Variants in DOCK5 observed in about 807,000 individuals in gnomAD.
The protein encoded by DOCK5 is dedicator of cytokinesis protein 5.
DOCK5 carries 142 observed loss-of-function variants against 251.8 expected under a neutral mutation model. That is an observed-to-expected ratio of 0.56 (90% CI 0.49 to 0.65). DOCK5 has a LOEUF of 0.65. DOCK5 is among the 30% of genes least tolerant of loss of function. The pLI is 0.00. For missense variants in DOCK5, 2,111 were observed against 2,312.3 expected (o/e 0.91, Z 1.79); for synonymous variants, 842 against 835.5 (o/e 1.01, Z -0.13).
intron 5 of DOCK5, among the ~76,000 whole-genome samples, chr8:25,282,798 C>T (rs912471832): frequency 7.7e-6 from 1 of 129,672 alleles, no homozygotes; most frequent in Non-Finnish European, 1.5e-5. Context: ...TGCAGTGAGC[C>T]ATGATTATAC....
chr8:25,254,786 A>AAAAAAAAAAAG lies in DOCK5; in HGVS notation c.127+11030_127+11031insAAAAAAAAAGA, dbSNP rs1803371219. ...AAGACTTTGTCTCAAAAAAAAACAA[A>AAAAAAAAAAAG]ACAAAACAAAAAAAAAAAACATTTG... On this transcript the variant is annotated intron_variant, in intron 2 of 51. Transcript: ENST00000276440. Among the ~76,000 whole-genome samples, 2 of 129,396 alleles carry AAAAAAAAAAAG rather than the reference A, an allele frequency of 1.5e-5. 1 individual carries two copies. The highest frequency in any genetic ancestry group is 3.1e-5 in the Non-Finnish European group (2 of 64,244). 84.9% of individuals were successfully genotyped at this position (129,396 alleles called of 152,430 possible). A position where few individuals can be genotyped will look rare whatever the true frequency, so the allele number is the denominator to read the frequency against.
chr8:25,221,937 A>G (rs1156800527), intron 1 of DOCK5, among the ~76,000 whole-genome samples: 1 of 152,172 alleles, frequency 6.6e-6, no homozygotes, highest in East Asian at 1.9e-4. Flanking sequence ...TGCCAGGGCT[A>G]TGCTGACCCA....
intron 2 of DOCK5, among the ~76,000 whole-genome samples, chr8:25,245,120 G>T: frequency 6.6e-6 from 1 of 151,860 alleles, no homozygotes; most frequent in East Asian, 2.0e-4. Flanking sequence ...GCAGTGACAC[G>T]ATCTCAGCTC....
intron 25 of DOCK5, among the ~76,000 whole-genome samples, chr8:25,344,805 G>A (rs1800327497): frequency 1.3e-5 from 2 of 152,202 alleles, no homozygotes; most frequent in Non-Finnish European, 2.9e-5. Flanking sequence ...AATTGAGATA[G>A]TAAAGATAAG....
intron 27 of DOCK5, among the ~76,000 whole-genome samples, chr8:25,355,332 T>G (rs560171862): frequency 6.6e-6 from 1 of 152,200 alleles, no homozygotes; most frequent in Non-Finnish European, 1.5e-5. Context: ...AACATAAATA[T>G]TGTAAAAGTA....
chr8:25,236,450 C>T (rs959747298), intron 1 of DOCK5, among the ~76,000 whole-genome samples: 1 of 152,142 alleles, frequency 6.6e-6, no homozygotes, highest in Non-Finnish European at 1.5e-5. Flanking sequence ...ATCTGTTTGG[C>T]CCTCTTGGAT....
intron 5 of DOCK5, among the ~76,000 whole-genome samples, chr8:25,291,359 C>A (rs943305881): frequency 6.6e-6 from 1 of 152,100 alleles, no homozygotes; most frequent in Admixed American, 6.6e-5. Context: ...ATGCAGCTTA[C>A]TCTATGACAC....
At chr8:25,335,048 C>T (rs908451701) in intron 21 of DOCK5, among the ~76,000 whole-genome samples, 7 of 152,220 alleles carry the variant, frequency 4.6e-5, no homozygotes, top group Non-Finnish European at 8.8e-5. Context: ...GCATTCCTCC[C>T]CAGAGCACTC....
At chr8:25,320,231 C>T (rs150757289) in intron 15 of DOCK5, among the ~76,000 whole-genome samples, 3 of 152,236 alleles carry the variant, frequency 2.0e-5, no homozygotes, top group Non-Finnish European at 4.4e-5. Flanking sequence ...TTCTGAATCC[C>T]GGGCTCCATC....
At chr8:25,308,750 C>T in intron 11 of DOCK5, 33 bp from the exon 12 acceptor site, 1 of 1,610,544 alleles carries the variant, frequency 6.2e-7, no homozygotes, top group South Asian at 1.1e-5. Context: ...CTTTCTCCCC[C>T]TCCCACCTTA....
At position 25,313,063 on chromosome 8, in the gene DOCK5, A is replaced by G. The variant is rs769641460; in HGVS notation, c.1318+2531A>G. 5.3e-5 allele frequency among the ~76,000 whole-genome samples: 8 copies of G among 152,286 alleles called. No homozygotes were observed. The South Asian group carries it at 6.2e-4, about 12-fold the overall frequency. ...TCTAGAGACCGATTCAGAGCTCCCA[A>G]GGTGATCTGGTGGTGAGTCAGGTCT... is the stretch of plus-strand genomic sequence containing the variant. On this transcript the variant is annotated intron_variant, in intron 13 of 51. Transcript: ENST00000276440.
At chr8:25,300,742 T>G in intron 9 of DOCK5, 85 bp downstream of exon 9, 1 of 1,362,390 alleles carries the variant, frequency 7.3e-7, no homozygotes, top group Non-Finnish European at 1.0e-6. Flanking sequence ...ACATACAAAA[T>G]GAAAAGATGA....
chr8:25,198,198 G>C (rs938826879), intron 1 of DOCK5, among the ~76,000 whole-genome samples: 1 of 152,148 alleles, frequency 6.6e-6, no homozygotes, highest in Non-Finnish European at 1.5e-5. Context: ...AAGTTGCATC[G>C]TATTTGATTT....
intron 2 of DOCK5, among the ~76,000 whole-genome samples, chr8:25,266,757 C>T (rs187859267): frequency 2.2e-4 from 34 of 151,840 alleles, no homozygotes; most frequent in Non-Finnish European, 4.4e-4. Flanking sequence ...TGAACATTCA[C>T]GTTTACAAAT....
At chr8:25,330,954 T>G (rs1805667647) in intron 18 of DOCK5, among the ~76,000 whole-genome samples, 1 of 151,862 alleles carries the variant, frequency 6.6e-6, no homozygotes, top group African/African-American at 2.4e-5. Context: ...GGTGCACCTG[T>G]AGTCCCAGCT....
chr8:25,254,797 A>AAAAAAAAAC (rs1803373157), intron 2 of DOCK5, among the ~76,000 whole-genome samples: 1 of 147,114 alleles, frequency 6.8e-6, no homozygotes, highest in Non-Finnish European at 1.5e-5. Context: ...ACAAAACAAA[A>AAAAAAAAAC]AAAAAAAACA....
rs149662290 is a variant in DOCK5 at position 25,408,862 on chromosome 8, C to A, written c.5326C>A (p.Pro1776Thr). 1 of 1,614,014 alleles carries A rather than the reference C, an allele frequency of 6.2e-7. No individual in the cohort carries two copies. The highest frequency in any genetic ancestry group is 1.1e-5 in the South Asian group (1 of 91,088). ...CCAGTTGATGGATAATCGGCTATCACCATTTCACGGTTCTTCACCTCCTCA... is the reference window on the plus strand; with the variant it reads ...CCAGTTGATGGATAATCGGCTATCAACATTTCACGGTTCTTCACCTCCTCA... ...SLQLMDNRLSPFHGSSPPQST... is the reference protein window; with the variant it reads ...SLQLMDNRLSTFHGSSPPQST... Residue 1776 changes from proline to threonine, a missense_variant, in exon 50 of 52, where the codon CCA becomes ACA. By Grantham distance (38) the Pro-to-Thr change is conservative. Transcript: ENST00000276440.
chr8:25,322,476 T>G (rs1489972512), intron 16 of DOCK5, among the ~76,000 whole-genome samples: 1 of 152,144 alleles, frequency 6.6e-6, no homozygotes, highest in Non-Finnish European at 1.5e-5. Flanking sequence ...AGTGGAGCAA[T>G]AATAGTATCA....
In DOCK5 at chr8:25,257,578, C is replaced by T. The variant is rs147564879; in HGVS notation, c.128-11267C>T. On this transcript the variant is annotated intron_variant, in intron 2 of 51. Transcript: ENST00000276440. ...AAGTTCAGCAGCACCCCAAATGTGT[C>T]TGTATTGCGGTGAGCTCTTTCTGAA... Among the ~76,000 whole-genome samples, 4 of 152,302 alleles carry T rather than the reference C, an allele frequency of 2.6e-5. No homozygotes were observed. The East Asian group carries it at 7.7e-4, about 29-fold the overall frequency.
Sources: allele counts gnomAD v4.1 joint callset (sites outside exome capture counted in the v4.1 genomes callset), GRCh38; gene constraint gnomAD v4.1.1; transcripts MANE v1.5; gene names NCBI Gene and HGNC (gene_info 2026-07-23, HGNC 2026-07-21).